Variants in ATP2C1 observed in about 807,000 individuals in gnomAD.
ATP2C1 encodes the protein calcium-transporting ATPase type 2C member 1.
Under a neutral mutation model 120.5 loss-of-function variants are expected in ATP2C1, and 31 were observed. The ratio of observed to expected loss-of-function variants is 0.26; its 90% CI spans 0.19 to 0.35. The LOEUF is 0.35. Ranked by LOEUF, ATP2C1 falls within the 10% of genes least tolerant of loss-of-function variation. The pLI is 1.00. For synonymous variants in ATP2C1, 351 were observed against 358.7 expected, an observed-to-expected ratio of 0.98 and a Z score of 0.24; for missense variants, 731 against 1,107.5, an observed-to-expected ratio of 0.66 and a Z score of 4.83.
At chr3:130,973,891 C>G (rs1478476405) in intron 17 of ATP2C1, among the ~76,000 whole-genome samples, 1 of 151,956 alleles carries the variant, frequency 6.6e-6, no homozygotes, top group Non-Finnish European at 1.5e-5. Flanking sequence ...TCCCACACCA[C>G]ACACCCTTTC....
At chr3:130,881,634 A>C in intron 1 of ATP2C1, among the ~76,000 whole-genome samples, 1 of 152,228 alleles carries the variant, frequency 6.6e-6, no homozygotes, top group East Asian at 1.9e-4. Context: ...TTCAATCAGT[A>C]GATTGCTTTG....
At chr3:130,857,519 G>C (rs546341461) in intron 1 of ATP2C1, among the ~76,000 whole-genome samples, 1 of 152,152 alleles carries the variant, frequency 6.6e-6, no homozygotes, top group African/African-American at 2.4e-5. Context: ...CCCAAAGACC[G>C]TCATTACTTC....
intron 8 of ATP2C1, among the ~76,000 whole-genome samples, chr3:130,946,580 C>A (rs1417217193): frequency 6.6e-6 from 1 of 152,172 alleles, no homozygotes; most frequent in Non-Finnish European, 1.5e-5. Flanking sequence ...TTAAGACCCG[C>A]TAACAAGCAG....
At chr3:130,941,837 CT>C (rs537999689) in intron 8 of ATP2C1, 138 bp downstream of exon 8, 968 of 705,174 alleles carry the variant, frequency 1.4e-3, no homozygotes, top group East Asian at 3.6e-3. Flanking sequence ...CATATATAAA[CT>C]TTTTTTTTTC....
Position 130,941,674 on chromosome 3 carries a change from T to G in ATP2C1, c.506T>G (p.Val169Gly). ...DTVCLSVGDRVPADLRLFEAV... is the reference protein window; with the variant it reads ...DTVCLSVGDRGPADLRLFEAV... Reference sequence around the variant, plus strand: ...GTTTGCCTTTCTGTTGGGGATAGAGTTCCTGCTGACTTACGCTTGTTTGAG... The same window carrying G: ...GTTTGCCTTTCTGTTGGGGATAGAGGTCCTGCTGACTTACGCTTGTTTGAG... Residue 169 changes from valine (V) to glycine (G), a missense_variant, in exon 8 of 28, where the codon GTT becomes GGT. Transcript: ENST00000510168. The G allele has an allele frequency of 6.2e-7, 1 of 1,613,994 alleles. No individual in the cohort carries two copies. Among genetic ancestry groups the G allele is most frequent in the Non-Finnish European group, 8.5e-7 (1 of 1,179,942 alleles).
chr3:130,913,602 T>C (rs2058546722), intron 2 of ATP2C1, among the ~76,000 whole-genome samples: 1 of 152,196 alleles, frequency 6.6e-6, no homozygotes, highest in African/African-American at 2.4e-5. Context: ...ATCTGCTGTA[T>C]TTATTTAAGA....
intron 2 of ATP2C1, among the ~76,000 whole-genome samples, chr3:130,920,176 G>T (rs2058887305): frequency 6.6e-6 from 1 of 152,124 alleles, no homozygotes; most frequent in African/African-American, 2.4e-5. Flanking sequence ...CTGCGTAGAA[G>T]CTTTTTAGTT....
intron 2 of ATP2C1, among the ~76,000 whole-genome samples, chr3:130,923,802 G>T (rs2059074696): frequency 2.0e-5 from 3 of 149,742 alleles, no homozygotes; most frequent in Admixed American, 2.0e-4. Context: ...GGAGGTGAAG[G>T]TTGTAGGGAG....
chr3:131,007,296 C>T (rs780518492), downstream of ATP2C1, among the ~76,000 whole-genome samples: 2 of 152,146 alleles, frequency 1.3e-5, no homozygotes, highest in Non-Finnish European at 2.9e-5. Flanking sequence ...TGCAGGTCAC[C>T]GTACACACCT....
intron 2 of ATP2C1, among the ~76,000 whole-genome samples, chr3:130,913,410 A>T (rs1254218710): frequency 6.6e-6 from 1 of 152,192 alleles, no homozygotes; most frequent in African/African-American, 2.4e-5. Context: ...CTCGTGGCAT[A>T]CCTAGTGGTA....
intron 12 of ATP2C1, among the ~76,000 whole-genome samples, chr3:130,960,733 A>G (rs112728441): frequency 0.014 from 2,077 of 152,256 alleles, 43 homozygotes; most frequent in African/African-American, 0.047. Context: ...TAGGGGGGCA[A>G]TTGATCATAA....
intron 17 of ATP2C1, among the ~76,000 whole-genome samples, chr3:130,972,580 A>G (rs998280501): frequency 2.0e-5 from 3 of 147,004 alleles, no homozygotes; most frequent in African/African-American, 5.0e-5. Flanking sequence ...CCATTAACTC[A>G]TCATTTAGCA....
At chr3:130,865,859 G>A (rs1252065456) in intron 1 of ATP2C1, among the ~76,000 whole-genome samples, 1 of 152,104 alleles carries the variant, frequency 6.6e-6, no homozygotes, top group Middle Eastern at 3.2e-3. Context: ...AATATACATA[G>A]TTTCTGAAAC....
chr3:130,912,992 C>T (rs1576681759), intron 2 of ATP2C1, among the ~76,000 whole-genome samples: 1 of 146,608 alleles, frequency 6.8e-6, no homozygotes, highest in East Asian at 2.0e-4. Context: ...TCTCAGTAAA[C>T]TATCGCAAGA....
chr3:130,965,212 G>A (rs1261806822), intron 14 of ATP2C1, among the ~76,000 whole-genome samples, 167 bp downstream of exon 14: 1 of 151,880 alleles, frequency 6.6e-6, no homozygotes, highest in African/African-American at 2.4e-5. Flanking sequence ...CATTCCACTT[G>A]TACACTTGTT....
chr3:130,880,316 T>A (rs1409269866), intron 1 of ATP2C1, among the ~76,000 whole-genome samples: 1 of 152,190 alleles, frequency 6.6e-6, no homozygotes, highest in Non-Finnish European at 1.5e-5. Context: ...GGAGCTTGAT[T>A]GGGTCAGTTC....
rs998267300 is a variant in ATP2C1, at chr3:130,903,692, C to A, written c.6+8917C>A. On this transcript the variant is annotated intron_variant, in intron 2 of 27. Coordinates refer to ENST00000510168, the MANE Select transcript of ATP2C1 (RefSeq NM_001378687.1). ...TTTTCCTCTTTCCCCTTTCCCATTT[C>A]CCCTTTCCCCTTTCCTTTCCTTTCC... 2.5e-5 allele frequency among the ~76,000 whole-genome samples: 3 copies of A among 118,508 alleles called. No individual in the cohort carries two copies. In the Admixed American group the frequency reaches 2.6e-4, roughly 10 times the overall value. The allele number at this position is 118,508 out of a possible 152,430, so 77.7% of individuals were successfully genotyped here.
At chr3:130,953,619 G>T (rs1373192176) in intron 8 of ATP2C1, among the ~76,000 whole-genome samples, 1 of 152,090 alleles carries the variant, frequency 6.6e-6, no homozygotes, top group Admixed American at 6.6e-5. Context: ...ATTCTACTTT[G>T]CATGTCTTAG....
chr3:130,985,435 C>T (rs2061955856), intron 20 of ATP2C1, among the ~76,000 whole-genome samples: 1 of 152,042 alleles, frequency 6.6e-6, no homozygotes, highest in African/African-American at 2.4e-5. Flanking sequence ...GATTTCGAGA[C>T]CTGCCTGGCC....
Sources: gnomAD v4.1 joint callset for allele counts (sites outside exome capture counted in the v4.1 genomes callset) on GRCh38, gnomAD v4.1.1 for gene constraint, MANE v1.5 for transcripts, NCBI Gene and HGNC (gene_info 2026-07-23, HGNC 2026-07-21) for gene names.